Variants in DYNC2I1 observed in about 807,000 individuals in gnomAD.
DYNC2I1 encodes dynein 2 intermediate chain 1, also known as cytoplasmic dynein 2 intermediate chain 1.
A neutral mutation model predicts 133.4 loss-of-function variants in DYNC2I1; 89 were observed. The ratio of observed to expected loss-of-function variants is 0.67; its 90% CI spans 0.56 to 0.80. The LOEUF is 0.80. Ranked by LOEUF, DYNC2I1 falls within the 30% of genes least tolerant of loss-of-function variation. The pLI is 0.00. For missense variants in DYNC2I1, 1,291 were observed against 1,314.5 expected (o/e 0.98, Z 0.28); for synonymous variants, 504 against 484.3 (o/e 1.04, Z -0.54).
At chr7:158,916,780 ACGT>A (rs1439297605) in intron 14 of DYNC2I1, among the ~76,000 whole-genome samples, 1 of 41,066 alleles carries the variant, frequency 2.4e-5, no homozygotes, top group Non-Finnish European at 5.3e-5. Flanking sequence ...TGATTGTGAA[ACGT>A]CGACACGCTG....
intron 24 of DYNC2I1, among the ~76,000 whole-genome samples, chr7:158,942,448 G>A (rs146630564): frequency 1.9e-3 from 294 of 152,170 alleles, no homozygotes; most frequent in African/African-American, 6.7e-3. Context: ...CCGAGTCGAC[G>A]GCTTACCTGA....
intron 8 of DYNC2I1, 133 bp from the exon 9 acceptor site, chr7:158,901,606 T>TTTACAAATACCTAGAGTTTAAAA (rs1439833131): frequency 8.1e-4 from 513 of 634,830 alleles, no homozygotes; most frequent in Non-Finnish European, 8.1e-4. Flanking sequence ...TTATATTAGT[T>TTTACAAATACCTAGAGTTTAAAA]TTACAAATAC....
At position 158,926,989 on chromosome 7, in the gene DYNC2I1, T is replaced by C; in HGVS notation, c.2434-3T>C. On this transcript the variant is annotated splice_polypyrimidine_tract_variant and splice_region_variant and intron_variant, in intron 19 of 24. Coordinates refer to ENST00000407559, the MANE Select transcript of DYNC2I1 (RefSeq NM_018051.5). ...ATATTCATTTTCAATATTCTGTTTT[T>C]AGGTGGTTGTTGAATTACCAAAGGC... 6.3e-7 allele frequency: 1 copy of C among 1,598,532 alleles called. No individual in the cohort carries two copies.
chr7:158,926,440 G>A lies in DYNC2I1; in HGVS notation c.2410G>A (p.Glu804Lys). ...GTCCTTCCACATCGCTTCCTTGGAT[G>A]AGAGTGGGGTTCTCAATGTATGGGT... Reference protein sequence around the residue: ...GLSFHIASLDESGVLNVWVVV... With the variant: ...GLSFHIASLDKSGVLNVWVVV... Residue 804 changes from glutamate (E) to lysine (K), a missense_variant, in exon 19 of 25, where the codon GAG (glutamate) becomes AAG (lysine). Glu to Lys is a moderately conservative substitution (Grantham distance 56). Transcript: ENST00000407559. The A allele has an allele frequency of 6.2e-7, 1 of 1,613,488 alleles. No homozygotes were observed. Among genetic ancestry groups the A allele is most frequent in the African/African-American group, 1.3e-5 (1 of 75,076 alleles).
At chr7:158,933,288 A>G (rs546561021) in intron 21 of DYNC2I1, among the ~76,000 whole-genome samples, 3 of 152,356 alleles carry the variant, frequency 2.0e-5, no homozygotes, top group African/African-American at 7.2e-5. Context: ...TAAATGCCAT[A>G]AACAGGAGAG....
chr7:158,852,363 G>T (rs915009079), upstream of DYNC2I1, among the ~76,000 whole-genome samples: 8 of 151,600 alleles, frequency 5.3e-5, no homozygotes, highest in Non-Finnish European at 8.8e-5. Context: ...CCTGTGATCC[G>T]CCCGCCTTGG....
chr7:158,940,252 G>A (rs1215986978), intron 23 of DYNC2I1, among the ~76,000 whole-genome samples: 1 of 152,154 alleles, frequency 6.6e-6, no homozygotes, highest in Non-Finnish European at 1.5e-5. Context: ...CAGATCATCA[G>A]GCATTAGATT....
chr7:158,839,751 C>T, the DYNC2I1 span, among the ~76,000 whole-genome samples: 4 of 151,548 alleles, frequency 2.6e-5, no homozygotes, highest in Non-Finnish European at 4.4e-5. Context: ...ACCCGGGAGG[C>T]GGAGCTTGCA....
chr7:158,923,876 A>T (rs2129486705), intron 17 of DYNC2I1, 143 bp downstream of exon 17: 1 of 1,035,716 alleles, frequency 9.7e-7, no homozygotes, highest in Admixed American at 3.1e-5. Flanking sequence ...GAGGCATTTG[A>T]TAAATACAAA....
intron 1 of DYNC2I1, among the ~76,000 whole-genome samples, chr7:158,864,674 A>ATT (rs549904988): frequency 1.0e-4 from 15 of 144,494 alleles, no homozygotes; most frequent in African/African-American, 3.1e-4. Flanking sequence ...TGCTTGGCTG[A>ATT]TTTTTTTTTT....
intron 1 of DYNC2I1, among the ~76,000 whole-genome samples, chr7:158,857,729 G>C (rs1458335542): frequency 6.7e-6 from 1 of 150,260 alleles, no homozygotes; most frequent in Non-Finnish European, 1.5e-5. Flanking sequence ...GTAGAGATGA[G>C]GTTTCACCGT....
the DYNC2I1 span, among the ~76,000 whole-genome samples, chr7:158,842,232 T>C: frequency 1.3e-5 from 2 of 152,206 alleles, no homozygotes; most frequent in African/African-American, 4.8e-5. Flanking sequence ...TTTCACCATA[T>C]TGGTCAGGCT....
intron 23 of DYNC2I1, among the ~76,000 whole-genome samples, chr7:158,940,781 A>G (rs1057437472): frequency 1.3e-5 from 2 of 152,246 alleles, no homozygotes; most frequent in African/African-American, 4.8e-5. Flanking sequence ...TTATTGAAAC[A>G]AATGAAAATG....
At position 158,926,258 on chromosome 7, in the gene DYNC2I1, A is replaced by C. The variant is rs762011740; in HGVS notation, c.2329A>C (p.Lys777Gln). Reference protein sequence around the residue: ...AVEPISTSVHKKQSFVLSPFS... With the variant: ...AVEPISTSVHQKQSFVLSPFS... The stretch of plus-strand genomic sequence containing the variant: ...AGAACCTATCTCAACGTCCGTCCAC[A>C]AAAAGCAGAGCTTTGTGCTTTCACC... Residue 777 changes from lysine to glutamine, a missense_variant, in exon 18 of 25, where the codon AAA (lysine) becomes CAA (glutamine). By Grantham distance (53) the Lys-to-Gln change is moderately conservative. Coordinates refer to ENST00000407559, the MANE Select transcript of DYNC2I1 (RefSeq NM_018051.5). The C allele has an allele frequency of 6.8e-6, 11 of 1,613,552 alleles. No homozygotes were observed. Among genetic ancestry groups the C allele is most frequent in the Middle Eastern group, 3.3e-4 (2 of 6,062 alleles).
At chr7:158,901,532 T>C (rs903791988) in intron 8 of DYNC2I1, among the ~76,000 whole-genome samples, 1 of 152,262 alleles carries the variant, frequency 6.6e-6, no homozygotes, top group Non-Finnish European at 1.5e-5. Flanking sequence ...AAAGGATGTT[T>C]ACTGTTTTCT....
intron 1 of DYNC2I1, among the ~76,000 whole-genome samples, chr7:158,857,062 G>A (rs894823976): frequency 6.6e-6 from 1 of 152,232 alleles, no homozygotes; most frequent in East Asian, 1.9e-4. Context: ...CCCCTGCTGC[G>A]GGGCCGGGGT....
At chr7:158,901,878 A>G (rs1846292811) in intron 9 of DYNC2I1, 62 bp downstream of exon 9, 1 of 1,228,980 alleles carries the variant, frequency 8.1e-7, no homozygotes. Flanking sequence ...AAATCAGCTT[A>G]TATATAGTAA....
intron 7 of DYNC2I1, among the ~76,000 whole-genome samples, chr7:158,888,251 C>G (rs950297915): frequency 6.6e-6 from 1 of 151,954 alleles, no homozygotes. Context: ...TCTGGAACTC[C>G]TGACCACATG....
chr7:158,934,417 G>A lies in DYNC2I1; in HGVS notation c.2647-1G>A. 1 of 1,604,498 alleles carries A rather than the reference G, an allele frequency of 6.2e-7. No homozygotes were observed. Among genetic ancestry groups the A allele is most frequent in the Non-Finnish European group, 8.5e-7 (1 of 1,175,562 alleles). The stretch of plus-strand genomic sequence containing the variant: ...GTCACTCTTGGGCTTCTTCTTCACA[G>A]GGTCTCATAAGCCATGGCACAAGAC... On this transcript the variant is annotated splice_acceptor_variant, in intron 22 of 24. Coordinates refer to ENST00000407559, the MANE Select transcript of DYNC2I1 (RefSeq NM_018051.5). LOFTEE classifies it high-confidence loss of function.
Sources: gnomAD v4.1 joint callset for allele counts (sites outside exome capture counted in the v4.1 genomes callset) on GRCh38, gnomAD v4.1.1 for gene constraint, MANE v1.5 for transcripts, NCBI Gene and HGNC (gene_info 2026-07-23, HGNC 2026-07-21) for gene names.